The following DYNC2LI1 variants were observed in gnomAD, a reference collection of about 807,000 sequenced individuals.
The protein encoded by DYNC2LI1 is dynein cytoplasmic 2 light intermediate chain 1, also known as cytoplasmic dynein 2 light intermediate chain 1.
Under a neutral mutation model 51.9 loss-of-function variants are expected in DYNC2LI1, and 45 were observed. The ratio of observed to expected loss-of-function variants is 0.87; its 90% CI spans 0.68 to 1.11. The LOEUF (loss-of-function observed/expected upper bound fraction) is 1.11. Among genes scored for constraint, DYNC2LI1 ranks in the 50% most tolerant of loss-of-function variants. The pLI is 0.00. For missense variants in DYNC2LI1, 490 were observed against 417.4 expected (o/e 1.17, Z -1.51); for synonymous variants, 130 against 137.8 (o/e 0.94, Z 0.40).
intron 1 of DYNC2LI1, chr2:43,775,679 CTTTTTTTATTTTCTTTTTT>C (rs1558658283): frequency 5.3e-6 from 2 of 376,786 alleles, no homozygotes; most frequent in Non-Finnish European, 1.0e-5. Context: ...TTTTCTTTTT[CTTTTTTTATTTTCTTTTTT>C]TTTTTTTTAG....
downstream of DYNC2LI1, among the ~76,000 whole-genome samples, chr2:43,813,953 A>G (rs1666653409): frequency 6.6e-6 from 1 of 151,796 alleles, no homozygotes. Context: ...TCTTGACCTC[A>G]AGTGATCCAA....
At chr2:43,811,798 G>T (rs1331904724), downstream of DYNC2LI1, among the ~76,000 whole-genome samples, 2 of 152,118 alleles carry the variant, frequency 1.3e-5, no homozygotes, top group Non-Finnish European at 2.9e-5. Flanking sequence ...GTTTCACCAT[G>T]TTGGCCAGGA....
chr2:43,796,735 GAGAA>G lies in DYNC2LI1; in HGVS notation c.597_600del (p.Lys200Ter), dbSNP rs759710025. The G allele has an allele frequency of 6.2e-7, 1 of 1,612,994 alleles. No individual in the cohort carries two copies. The highest frequency in any genetic ancestry group is 1.1e-5 in the South Asian group (1 of 91,028). On this transcript the variant is annotated frameshift_variant, in exon 8 of 13. Coordinates refer to ENST00000260605, the MANE Select transcript of DYNC2LI1 (RefSeq NM_016008.4). LOFTEE classifies it high-confidence loss of function. ...TTCTACAGGATTTTGAGTCTGAGAA[GAGAA>G]AGGTAATATGCAAGACACTTCGATT...
At chr2:43,821,447 G>A in the DYNC2LI1 span, among the ~76,000 whole-genome samples, 4,551 of 152,228 alleles carry the variant, frequency 0.03, 227 homozygotes, top group African/African-American at 0.1. Context: ...TACTCAAAAT[G>A]GTTTCGCTCC....
intron 8 of DYNC2LI1, among the ~76,000 whole-genome samples, chr2:43,800,585 T>C (rs1666040801): frequency 6.6e-6 from 1 of 152,192 alleles, no homozygotes; most frequent in African/African-American, 2.4e-5. Context: ...GGTCCATTTG[T>C]GTGAGTAGCT....
chr2:43,826,457 G>T, the DYNC2LI1 span: 8 of 1,614,158 alleles, frequency 5.0e-6, no homozygotes, highest in Non-Finnish European at 6.8e-6. Flanking sequence ...CCACCAGGAG[G>T]ACGACAATCT....
chr2:43,823,442 G>A, the DYNC2LI1 span, among the ~76,000 whole-genome samples: 1 of 152,040 alleles, frequency 6.6e-6, no homozygotes, highest in Non-Finnish European at 1.5e-5. Context: ...TGTTGCCTTT[G>A]GGGAATCCCT....
intron 11 of DYNC2LI1, 104 bp downstream of exon 11, chr2:43,804,843 A>G (rs1666190748): frequency 3.0e-6 from 2 of 663,230 alleles, no homozygotes; most frequent in Non-Finnish European, 4.8e-6. Context: ...TTCATCTTTT[A>G]TGCTCAAAAA....
chr2:43,790,451 G>A (rs138419591), intron 5 of DYNC2LI1, among the ~76,000 whole-genome samples: 43 of 152,260 alleles, frequency 2.8e-4, no homozygotes, highest in African/African-American at 9.6e-4. Context: ...GTTACATGTT[G>A]GTCATTAAGC....
chr2:43,823,789 C>A, the DYNC2LI1 span: 11 of 1,134,484 alleles, frequency 9.7e-6, no homozygotes, highest in Non-Finnish European at 1.1e-5. Flanking sequence ...AGAGAGGGAA[C>A]CTGGAGAGGG....
At chr2:43,824,428 G>A in the DYNC2LI1 span, 1 of 1,613,716 alleles carries the variant, frequency 6.2e-7, no homozygotes, top group Non-Finnish European at 8.5e-7. Context: ...CTGACGTCAG[G>A]TCCACTAAAA....
At chr2:43,813,708 CGTTT>C (rs1392726740), downstream of DYNC2LI1, among the ~76,000 whole-genome samples, 39 of 35,362 alleles carry the variant, frequency 1.1e-3, 1 homozygote, top group African/African-American at 3.4e-3. Flanking sequence ...TTTTTTTTTT[CGTTT>C]TTTTTTTTTT....
At chr2:43,774,172 G>A in intron 1 of DYNC2LI1, 26 bp downstream of exon 1, 8 of 1,613,258 alleles carry the variant, frequency 5.0e-6, no homozygotes, top group Non-Finnish European at 6.8e-6. Flanking sequence ...GGCTTGCGTG[G>A]GAAAGGCTAC....
At chr2:43,822,631 A>G in the DYNC2LI1 span, 3 of 983,774 alleles carry the variant, frequency 3.0e-6, no homozygotes, top group African/African-American at 5.2e-5. Flanking sequence ...GGCTATTTAC[A>G]ATAAAATTAA....
At chr2:43,815,929 G>C in the DYNC2LI1 span, among the ~76,000 whole-genome samples, 2 of 129,488 alleles carry the variant, frequency 1.5e-5, no homozygotes, top group African/African-American at 3.3e-5. Context: ...AAAAAAAAAG[G>C]ACCAGACTAC....
the DYNC2LI1 span, chr2:43,827,852 G>A: frequency 0.061 from 87,927 of 1,443,944 alleles, 2,888 homozygotes; most frequent in Admixed American, 0.086. Flanking sequence ...TCCTCAGTTT[G>A]AAAAACCTGT....
Position 43,809,993 on chromosome 2 carries a change from TCTA to T in DYNC2LI1, c.*231_*233del. 6.7e-6 allele frequency: 8 copies of T among 1,192,922 alleles called. No homozygotes were observed. Among genetic ancestry groups the T allele is most frequent in the Non-Finnish European group, 8.6e-6 (8 of 932,194 alleles). The allele number at this position is 1,192,922 out of a possible 1,614,324, so 73.9% of individuals were successfully genotyped here. On this transcript the variant is annotated 3_prime_UTR_variant, in exon 13 of 13. Transcript: ENST00000260605. ...AATTTTTTTTAAAATAAAAGAATCT[TCTA>T]CTACCTACCTCTAACATGTTTAAGT...
the DYNC2LI1 span, chr2:43,828,262 T>G: frequency 9.9e-7 from 1 of 1,009,348 alleles, no homozygotes; most frequent in Non-Finnish European, 1.5e-6. Flanking sequence ...GGAAAGCATG[T>G]CTTTGATAAT....
the DYNC2LI1 span, among the ~76,000 whole-genome samples, chr2:43,817,873 G>A: frequency 6.6e-6 from 1 of 152,126 alleles, no homozygotes; most frequent in East Asian, 1.9e-4. Context: ...TCGCGCCACT[G>A]CATTCCAGCC....
Sources: gnomAD v4.1 joint callset for allele counts (sites outside exome capture counted in the v4.1 genomes callset) on GRCh38, gnomAD v4.1.1 for gene constraint, MANE v1.5 for transcripts, NCBI Gene and HGNC (gene_info 2026-07-23, HGNC 2026-07-21) for gene names.